Variants in LRRC4C observed in about 807,000 individuals in gnomAD.
The protein encoded by LRRC4C is leucine-rich repeat-containing protein 4C.
LRRC4C carries 5 observed loss-of-function variants against 33.6 expected under a neutral mutation model. That is an observed-to-expected ratio of 0.15 (90% CI 0.08 to 0.31). LRRC4C has a LOEUF of 0.31. Among genes scored for constraint, LRRC4C ranks in the 10% least tolerant of loss-of-function variants. The probability of loss-of-function intolerance (pLI) is 1.00; values close to 1 mark genes in which losing one functional copy is unlikely to be tolerated. For missense variants in LRRC4C, 560 were observed against 796.7 expected, an observed-to-expected ratio of 0.70 and a Z score of 3.58; for synonymous variants, 329 against 302.0, an observed-to-expected ratio of 1.09 and a Z score of -0.93.
At chr11:41,272,735 G>A (rs901005857) in intron 1 of LRRC4C, among the ~76,000 whole-genome samples, 1 of 152,048 alleles carries the variant, frequency 6.6e-6, no homozygotes, top group Non-Finnish European at 1.5e-5. Flanking sequence ...AAAAAAGAAG[G>A]TATGCTTATT....
intron 3 of LRRC4C, among the ~76,000 whole-genome samples, chr11:40,474,353 T>C (rs537221006): frequency 1.1e-4 from 17 of 152,236 alleles, no homozygotes; most frequent in African/African-American, 3.6e-4. Context: ...ATTTAATAAA[T>C]GGTGCTGGGA....
At chr11:40,668,128 C>G (rs1237471599) in intron 2 of LRRC4C, among the ~76,000 whole-genome samples, 1 of 152,054 alleles carries the variant, frequency 6.6e-6, no homozygotes. Context: ...AAAAGATTTC[C>G]ACATGCTTCT....
intron 1 of LRRC4C, among the ~76,000 whole-genome samples, chr11:41,163,141 C>T (rs1226978431): frequency 2.0e-5 from 3 of 152,046 alleles, no homozygotes; most frequent in Admixed American, 2.0e-4. Flanking sequence ...TGCCTTTCAC[C>T]TCCCTCCATG....
intron 2 of LRRC4C, among the ~76,000 whole-genome samples, chr11:40,650,781 G>A (rs1265897348): frequency 6.6e-6 from 1 of 152,018 alleles, no homozygotes; most frequent in Admixed American, 6.6e-5. Flanking sequence ...ATATTAACTT[G>A]TTTTTATTAA....
chr11:40,252,600 T>C (rs1282920827), intron 4 of LRRC4C, among the ~76,000 whole-genome samples: 2 of 152,214 alleles, frequency 1.3e-5, no homozygotes, highest in East Asian at 1.9e-4. Context: ...TCAGGGTTTC[T>C]GTGTGGAGCA....
chr11:41,005,995 T>C (rs1386424865), intron 1 of LRRC4C, among the ~76,000 whole-genome samples: 1 of 152,086 alleles, frequency 6.6e-6, no homozygotes, highest in Non-Finnish European at 1.5e-5. Flanking sequence ...TCTTCCTTCC[T>C]TCCTTCTCAG....
chr11:40,478,358 A>G (rs1471218628), intron 3 of LRRC4C, among the ~76,000 whole-genome samples: 1 of 152,156 alleles, frequency 6.6e-6, no homozygotes, highest in East Asian at 1.9e-4. Context: ...TAATTCTGGC[A>G]AGAACTTATA....
In LRRC4C at chr11:40,395,427, T is replaced by G. The variant is rs187952502; in HGVS notation, c.-269-75706A>C. 3.1e-4 allele frequency among the ~76,000 whole-genome samples: 47 copies of G among 152,226 alleles called. No individual in the cohort carries two copies. The East Asian group carries it at 8.5e-3, about 27-fold the overall frequency. ...GTACTTTCTCTCATGTACATCACCT[T>G]TCTAATAAAAGGGCATAAAATTAGA... On this transcript the variant is annotated intron_variant, in intron 3 of 6. Coordinates refer to ENST00000528697, the MANE Select transcript of LRRC4C (RefSeq NM_001258419.2).
At chr11:40,261,434 T>C (rs780965499) in intron 4 of LRRC4C, among the ~76,000 whole-genome samples, 2 of 152,102 alleles carry the variant, frequency 1.3e-5, no homozygotes, top group Non-Finnish European at 2.9e-5. Context: ...TATTTTCCAG[T>C]GTGAAGGAGA....
chr11:41,027,075 T>A (rs1034370251), intron 1 of LRRC4C, among the ~76,000 whole-genome samples: 1 of 151,652 alleles, frequency 6.6e-6, no homozygotes, highest in African/African-American at 2.4e-5. Context: ...AGTAGTTTTG[T>A]AACAAAAATA....
At chr11:40,974,722 G>A (rs1303807818) in intron 1 of LRRC4C, among the ~76,000 whole-genome samples, 1 of 152,178 alleles carries the variant, frequency 6.6e-6, no homozygotes, top group African/African-American at 2.4e-5. Context: ...TGATTCAGTG[G>A]ACTAAGTGGG....
At chr11:40,983,828 A>C (rs1329344669) in intron 1 of LRRC4C, among the ~76,000 whole-genome samples, 1 of 152,216 alleles carries the variant, frequency 6.6e-6, no homozygotes, top group Non-Finnish European at 1.5e-5. Flanking sequence ...GATATTATTA[A>C]AAAGTCCAAC....
intron 5 of LRRC4C, among the ~76,000 whole-genome samples, chr11:40,213,949 A>T (rs1461529667): frequency 6.6e-6 from 1 of 152,272 alleles, no homozygotes; most frequent in East Asian, 1.9e-4. Flanking sequence ...GCTCAAAGAG[A>T]GTTTGAGTAC....
intron 1 of LRRC4C, among the ~76,000 whole-genome samples, chr11:41,136,690 C>T (rs1943276727): frequency 6.6e-6 from 1 of 152,138 alleles, no homozygotes; most frequent in South Asian, 2.1e-4. Context: ...CACGTCTATG[C>T]ACATCTCGTT....
intron 1 of LRRC4C, among the ~76,000 whole-genome samples, chr11:41,412,328 G>A (rs138066363): frequency 6.6e-6 from 1 of 152,250 alleles, no homozygotes; most frequent in African/African-American, 2.4e-5. Flanking sequence ...GGTCTTTAGA[G>A]ATTAGGTGAT....
chr11:40,967,352 C>T (rs1851437270), intron 1 of LRRC4C, among the ~76,000 whole-genome samples: 1 of 151,932 alleles, frequency 6.6e-6, no homozygotes, highest in South Asian at 2.1e-4. Flanking sequence ...TAAACACTTC[C>T]CCAAAGCCAT....
intron 3 of LRRC4C, among the ~76,000 whole-genome samples, chr11:40,613,587 G>A (rs956574655): frequency 2.4e-4 from 36 of 151,582 alleles, no homozygotes; most frequent in African/African-American, 8.7e-4. Flanking sequence ...CCAAATTCCC[G>A]TTAATGTTAA....
chr11:40,787,261 T>TA (rs1554960238), intron 2 of LRRC4C, among the ~76,000 whole-genome samples: 14 of 150,374 alleles, frequency 9.3e-5, no homozygotes, highest in African/African-American at 3.4e-4. Context: ...AATTGCCAAC[T>TA]GGGGGGGGTA....
At chr11:40,982,012 T>C (rs118073652) in intron 1 of LRRC4C, among the ~76,000 whole-genome samples, 148 of 152,210 alleles carry the variant, frequency 9.7e-4, no homozygotes, top group Non-Finnish European at 1.8e-3. Flanking sequence ...AGAAATAATA[T>C]ATCTACACTT....
Sources: allele counts gnomAD v4.1 joint callset (sites outside exome capture counted in the v4.1 genomes callset), GRCh38; gene constraint gnomAD v4.1.1; transcripts MANE v1.5; gene names NCBI Gene and HGNC (gene_info 2026-07-23, HGNC 2026-07-21).